The following RRP12 variants were observed in gnomAD, a reference collection of about 807,000 sequenced individuals.
RRP12 encodes RRP12-like protein.
Under a neutral mutation model 157.3 loss-of-function variants are expected in RRP12, and 78 were observed. The ratio of observed to expected loss-of-function variants is 0.50; its 90% CI spans 0.41 to 0.60. The LOEUF (loss-of-function observed/expected upper bound fraction) is 0.60, where lower values mean the gene tolerates loss of function less well. RRP12 is among the 20% of genes least tolerant of loss of function. RRP12 has a pLI of 0.00. For missense variants in RRP12, 1,521 were observed against 1,679.9 expected (o/e 0.91, Z 1.65); for synonymous variants, 726 against 670.9 (o/e 1.08, Z -1.27).
Position 97,369,502 on chromosome 10 carries a change from T to C in RRP12, c.2878A>G (p.Lys960Glu). The C allele has an allele frequency of 6.2e-7, 1 of 1,608,274 alleles. No homozygotes were observed. The highest frequency in any genetic ancestry group is 8.5e-7 in the Non-Finnish European group (1 of 1,177,442). Residue 960 changes from lysine to glutamate, a missense_variant, in exon 25 of 34, where the codon AAG (lysine) becomes GAG (glutamate). Lys to Glu is a moderately conservative substitution (Grantham distance 56, BLOSUM62 1). Coordinates refer to ENST00000370992, the MANE Select transcript of RRP12 (RefSeq NM_015179.4). Reference sequence around the variant, plus strand: ...ACCTTGATGAAGCCCAGTGCAGACTTGACCACGTCACGGGTGCGGGAGGCC... The same window carrying C: ...ACCTTGATGAAGCCCAGTGCAGACTCGACCACGTCACGGGTGCGGGAGGCC... ...LLASRTRDVV[K>E]SALGFIKVAV...
intron 31 of RRP12, among the ~76,000 whole-genome samples, chr10:97,360,277 G>A (rs1843807758): frequency 6.6e-6 from 1 of 152,220 alleles, no homozygotes; most frequent in Non-Finnish European, 1.5e-5. Flanking sequence ...GGAGGCCTGG[G>A]CGGGTGGGAA....
rs1471410847 is a variant in RRP12, at chr10:97,370,538, A to G, written c.2606T>C (p.Val869Ala). 1.2e-6 allele frequency: 2 copies of G among 1,610,426 alleles called. No individual in the cohort carries two copies. Among genetic ancestry groups the G allele is most frequent in the Non-Finnish European group, 1.7e-6 (2 of 1,178,844 alleles). The change falls in exon 23 of 34, where the codon GTG becomes GCG. Residue 869 changes from valine to alanine, a missense_variant. Physicochemically the swap from Val to Ala is moderately conservative, Grantham distance 64 (BLOSUM62 0). Coordinates refer to ENST00000370992, the MANE Select transcript of RRP12 (RefSeq NM_015179.4). ...AGCGTTCTTCCGTGCGCCCACCGAC[A>G]CCTCCTTGGTGCACAGGATCACCTG... The part of the protein sequence containing the change: ...IPEVILCTKE[V>A]SVGARKNAFA...
At chr10:97,396,097 G>A (rs1303891131) in intron 3 of RRP12, 121 bp downstream of exon 3, 11 of 707,212 alleles carry the variant, frequency 1.6e-5, no homozygotes, top group Non-Finnish European at 1.3e-5. Flanking sequence ...AATAACTGAA[G>A]CACTTTCACC....
At chr10:97,400,254 T>G in intron 2 of RRP12, 51 bp downstream of exon 2, 2 of 1,359,774 alleles carry the variant, frequency 1.5e-6, no homozygotes, top group Non-Finnish European at 1.0e-6. Context: ...AGAAAAGGCA[T>G]GAGTTGGCCT....
At chr10:97,393,326 A>C (rs1054564418) in intron 4 of RRP12, 2 of 449,806 alleles carry the variant, frequency 4.4e-6, no homozygotes, top group African/African-American at 4.0e-5. Context: ...TGCAGGCCCT[A>C]TAGACATGCC....
intron 6 of RRP12, among the ~76,000 whole-genome samples, chr10:97,389,254 C>T (rs1188244457): frequency 4.0e-5 from 6 of 151,894 alleles, no homozygotes; most frequent in African/African-American, 1.5e-4. Flanking sequence ...CCACCACACC[C>T]GGCTAATTTT....
chr10:97,372,526 A>G (rs1440776898), intron 19 of RRP12, among the ~76,000 whole-genome samples: 3 of 152,194 alleles, frequency 2.0e-5, no homozygotes, highest in Non-Finnish European at 4.4e-5. Flanking sequence ...TGGGCAGTGT[A>G]TCTCCTGGGT....
At chr10:97,359,857 C>T (rs569641334) in intron 31 of RRP12, among the ~76,000 whole-genome samples, 16 of 152,326 alleles carry the variant, frequency 1.1e-4, no homozygotes, top group African/African-American at 3.4e-4. Context: ...GTGCCACAGG[C>T]GGAAGAGCCA....
chr10:97,367,824 T>G (rs1199628182), intron 25 of RRP12, among the ~76,000 whole-genome samples: 3 of 151,634 alleles, frequency 2.0e-5, no homozygotes, highest in East Asian at 3.9e-4. Flanking sequence ...CTCCACCTCC[T>G]GGGTTCAAGC....
Position 97,400,298 on chromosome 10 carries a change from C to T in RRP12, c.369+7G>A. The T allele has an allele frequency of 6.2e-7, 1 of 1,611,644 alleles. No homozygotes were observed. Among genetic ancestry groups the T allele is most frequent in the East Asian group, 2.2e-5 (1 of 44,864 alleles). On this transcript the variant is annotated splice_region_variant and intron_variant, in intron 2 of 33. Transcript: ENST00000370992. ...TATCCTATGGCCCTCCCGACCCTCGCCCCTACCTCCTTGTGGGCAGCCGAG... is the reference window on the plus strand; with the variant it reads ...TATCCTATGGCCCTCCCGACCCTCGTCCCTACCTCCTTGTGGGCAGCCGAG...
chr10:97,372,051 G>T, intron 20 of RRP12, 22 bp downstream of exon 20: 2 of 1,576,806 alleles, frequency 1.3e-6, no homozygotes, highest in Non-Finnish European at 1.7e-6. Flanking sequence ...GCTGTGTGGC[G>T]CTCCTGGCCC....
At chr10:97,358,161 C>CA (rs1009403358) in intron 33 of RRP12, among the ~76,000 whole-genome samples, 2 of 151,728 alleles carry the variant, frequency 1.3e-5, no homozygotes, top group Non-Finnish European at 2.9e-5. Context: ...GGTGAAACCC[C>CA]ATCTCTACTA....
chr10:97,359,088 G>A, intron 31 of RRP12, 78 bp from the exon 32 acceptor site: 1 of 1,102,330 alleles, frequency 9.1e-7, no homozygotes, highest in Non-Finnish European at 1.4e-6. Context: ...CACCCTCTCT[G>A]AGAGAGCTGC....
Position 97,372,326 on chromosome 10 carries a change from CTG to C in RRP12, c.2250-162_2250-161del, listed in dbSNP as rs1844180542. On this transcript the variant is annotated intron_variant, in intron 19 of 33. Coordinates refer to ENST00000370992, the MANE Select transcript of RRP12 (RefSeq NM_015179.4). ...AACAATAATAATAGCTAGTACCTAACTGAGCATTCATGATGTACCAGTCACCG... is the reference window on the plus strand; with the variant it reads ...AACAATAATAATAGCTAGTACCTAACAGCATTCATGATGTACCAGTCACCG... 9.2e-5 allele frequency among the ~76,000 whole-genome samples: 14 copies of C among 152,108 alleles called. No homozygotes were observed. In the South Asian group the frequency reaches 2.9e-3, roughly 32 times the overall value.
chr10:97,393,472 A>C, intron 4 of RRP12: 1 of 692,218 alleles, frequency 1.4e-6, no homozygotes, highest in Non-Finnish European at 2.6e-6. Flanking sequence ...TTCTATTACC[A>C]GGGGTTCAGG....
intron 3 of RRP12, among the ~76,000 whole-genome samples, chr10:97,394,841 CT>C (rs1414961996): frequency 1.3e-5 from 2 of 152,094 alleles, no homozygotes; most frequent in Non-Finnish European, 2.9e-5. Context: ...TTTAACAATT[CT>C]TTAAAAATGT....
chr10:97,377,046 A>C (rs963901921), intron 15 of RRP12, among the ~76,000 whole-genome samples: 4 of 151,738 alleles, frequency 2.6e-5, no homozygotes, highest in Non-Finnish European at 5.9e-5. Context: ...TGCCTGGCTA[A>C]TTTTTGTACT....
intron 6 of RRP12, among the ~76,000 whole-genome samples, 178 bp downstream of exon 6, chr10:97,390,245 G>A (rs191941626): frequency 6.6e-5 from 10 of 152,330 alleles, no homozygotes; most frequent in East Asian, 5.8e-4. Flanking sequence ...CAGCCTCCTG[G>A]AGGAGGAAGA....
At chr10:97,378,303 T>TCACAC (rs1844366942) in intron 15 of RRP12, among the ~76,000 whole-genome samples, 1 of 152,166 alleles carries the variant, frequency 6.6e-6, no homozygotes, top group African/African-American at 2.4e-5. Context: ...AGAGTGTATT[T>TCACAC]ACAAAAACCT....
Sources: gnomAD v4.1 joint callset for allele counts (sites outside exome capture counted in the v4.1 genomes callset) on GRCh38, gnomAD v4.1.1 for gene constraint, MANE v1.5 for transcripts, NCBI Gene and HGNC (gene_info 2026-07-23, HGNC 2026-07-21) for gene names.